The following EYA1 variants were observed in gnomAD, a reference collection of about 807,000 sequenced individuals.
EYA1 encodes the protein EYA transcriptional coactivator and phosphatase 1.
EYA1 carries 16 observed loss-of-function variants against 82.0 expected under a neutral mutation model. That is an observed-to-expected ratio of 0.20 (90% CI 0.13 to 0.30). EYA1 has a LOEUF of 0.30. EYA1 is among the 10% of genes least tolerant of loss of function. EYA1 has a pLI of 1.00. For synonymous variants in EYA1, 261 were observed against 264.4 expected (o/e 0.99, Z 0.12); for missense variants, 633 against 730.7 (o/e 0.87, Z 1.54).
intron 3 of EYA1, among the ~76,000 whole-genome samples, chr8:71,350,484 C>T (rs1055317178): frequency 1.3e-5 from 2 of 152,052 alleles, no homozygotes; most frequent in African/African-American, 4.8e-5. Flanking sequence ...ATTTAGCTGC[C>T]TAATTCAAGA....
intron 2 of EYA1, among the ~76,000 whole-genome samples, chr8:71,457,130 C>T (rs1807994243): frequency 6.6e-6 from 1 of 152,180 alleles, no homozygotes; most frequent in African/African-American, 2.4e-5. Context: ...CAAAAGAAGA[C>T]CTTTAGGCAG....
rs73286350 is a variant in EYA1 at position 71,230,740 on chromosome 8, G to C, written c.1141-13717C>G. On this transcript the variant is annotated intron_variant, in intron 12 of 17. Transcript: ENST00000340726. The stretch of plus-strand genomic sequence containing the variant: ...TCATGAACAGGTTAATTAACAGCCT[G>C]TTGGAATAACTGCTGCTCCAAATGG... Among the ~76,000 whole-genome samples, 518 of 152,326 alleles carry C rather than the reference G, an allele frequency of 3.4e-3. 3 individuals are homozygous for C. Among genetic ancestry groups the C allele is most frequent in the African/African-American group, 0.012 (496 of 41,558 alleles).
At chr8:71,439,543 T>C (rs1032519636) in intron 2 of EYA1, among the ~76,000 whole-genome samples, 9 of 152,254 alleles carry the variant, frequency 5.9e-5, no homozygotes, top group Admixed American at 3.9e-4. Context: ...GGTAGATTCA[T>C]ATTTTCTAAT....
At chr8:71,432,482 G>A (rs1162703426) in intron 2 of EYA1, among the ~76,000 whole-genome samples, 3 of 152,140 alleles carry the variant, frequency 2.0e-5, no homozygotes, top group Non-Finnish European at 4.4e-5. Context: ...CAGTTCTGAA[G>A]GCTTCAAAAG....
At chr8:71,215,934 T>C (rs1036216812) in intron 14 of EYA1, among the ~76,000 whole-genome samples, 4 of 152,216 alleles carry the variant, frequency 2.6e-5, no homozygotes, top group African/African-American at 9.6e-5. Context: ...CCTACTTTCC[T>C]ACATTCCTCT....
At chr8:71,243,909 G>A (rs144082979) in intron 12 of EYA1, among the ~76,000 whole-genome samples, 213 of 152,224 alleles carry the variant, frequency 1.4e-3, no homozygotes, top group African/African-American at 4.7e-3. Flanking sequence ...GCTTAACAGC[G>A]GAATTTAAAT....
chr8:71,364,005 A>C (rs1043126971), upstream of EYA1, among the ~76,000 whole-genome samples: 4 of 151,998 alleles, frequency 2.6e-5, no homozygotes, highest in Non-Finnish European at 5.9e-5. Flanking sequence ...TATACAAGTT[A>C]CTTGCCCACA....
chr8:71,455,477 AC>A (rs1171339354), intron 2 of EYA1, among the ~76,000 whole-genome samples: 1 of 152,098 alleles, frequency 6.6e-6, no homozygotes, highest in East Asian at 1.9e-4. Context: ...TTAGACCAAT[AC>A]CCCTGATGAA....
chr8:71,296,553 A>T (rs564329563), intron 9 of EYA1, among the ~76,000 whole-genome samples: 2 of 152,012 alleles, frequency 1.3e-5, no homozygotes, highest in Admixed American at 6.6e-5. Context: ...GGTCATACAT[A>T]AGATAAGAAA....
At chr8:71,229,553 G>T (rs528787191) in intron 12 of EYA1, among the ~76,000 whole-genome samples, 1 of 152,250 alleles carries the variant, frequency 6.6e-6, no homozygotes, top group South Asian at 2.1e-4. Context: ...TAGGTTATCT[G>T]ATTGACAGGA....
At chr8:71,421,030 C>G (rs752159246) in intron 2 of EYA1, among the ~76,000 whole-genome samples, 5 of 152,134 alleles carry the variant, frequency 3.3e-5, no homozygotes, top group Admixed American at 6.6e-5. Context: ...TAAAACATCA[C>G]AGAACTAACA....
chr8:71,216,903 T>C, intron 13 of EYA1, 51 bp from the exon 14 acceptor site: 1 of 1,611,952 alleles, frequency 6.2e-7, no homozygotes, highest in Non-Finnish European at 8.5e-7. Flanking sequence ...AAGTCCATCT[T>C]AATTAGGTAA....
chr8:71,455,425 T>G (rs1807804936), intron 2 of EYA1, among the ~76,000 whole-genome samples: 1 of 152,182 alleles, frequency 6.6e-6, no homozygotes, highest in Non-Finnish European at 1.5e-5. Context: ...AGCATTACCC[T>G]GATACCAAAG....
chr8:71,218,912 G>A (rs1193174241), intron 12 of EYA1, among the ~76,000 whole-genome samples: 1 of 151,986 alleles, frequency 6.6e-6, no homozygotes, highest in Non-Finnish European at 1.5e-5. Context: ...AGGAAGTTGA[G>A]GAACTAGTAG....
intron 2 of EYA1, among the ~76,000 whole-genome samples, chr8:71,427,177 T>C (rs1042514523): frequency 6.6e-6 from 1 of 152,232 alleles, no homozygotes; most frequent in Admixed American, 6.5e-5. Flanking sequence ...CAATTTTTCA[T>C]GTTTTTCCCT....
intron 7 of EYA1, among the ~76,000 whole-genome samples, chr8:71,315,690 T>C (rs1217638219): frequency 6.6e-6 from 1 of 152,232 alleles, no homozygotes; most frequent in Non-Finnish European, 1.5e-5. Context: ...ATTAATAAAG[T>C]CTTTCCATCA....
At chr8:71,418,556 C>G (rs549053345) in intron 2 of EYA1, among the ~76,000 whole-genome samples, 11 of 152,234 alleles carry the variant, frequency 7.2e-5, no homozygotes, top group Non-Finnish European at 1.0e-4. Context: ...TCCTCTACAC[C>G]CTTCCACACA....
At chr8:71,279,230 T>A (rs897743441) in intron 9 of EYA1, among the ~76,000 whole-genome samples, 6 of 152,124 alleles carry the variant, frequency 3.9e-5, no homozygotes, top group Non-Finnish European at 8.8e-5. Context: ...ACAGAGCATA[T>A]CACTTCCCTA....
chr8:71,514,373 G>A (rs917169511), intron 2 of EYA1, among the ~76,000 whole-genome samples: 2 of 151,914 alleles, frequency 1.3e-5, no homozygotes, highest in Non-Finnish European at 2.9e-5. Context: ...TTAATGATAT[G>A]ATCTAACTTT....
Sources: gnomAD v4.1 joint callset for allele counts (sites outside exome capture counted in the v4.1 genomes callset) on GRCh38, gnomAD v4.1.1 for gene constraint, MANE v1.5 for transcripts, NCBI Gene and HGNC (gene_info 2026-07-23, HGNC 2026-07-21) for gene names.